The following RABGGTA variants were observed in gnomAD, a reference collection of about 807,000 sequenced individuals.
RABGGTA encodes Rab geranylgeranyltransferase subunit alpha.
RABGGTA carries 69 observed loss-of-function variants against 83.3 expected under a neutral mutation model. The ratio of observed to expected loss-of-function variants is 0.83; its 90% confidence interval spans 0.68 to 1.01. RABGGTA has a LOEUF of 1.01. Among genes scored for constraint, RABGGTA ranks in the 50% least tolerant of loss-of-function variants. The pLI, the probability that RABGGTA is intolerant of heterozygous loss-of-function variation, is 0.00. For synonymous variants in RABGGTA, 310 were observed against 299.8 expected (o/e 1.03, Z -0.35); for missense variants, 681 against 712.7 (o/e 0.96, Z 0.51).
chr14:24,270,640 G>T (rs73589656), intron 3 of RABGGTA, among the ~76,000 whole-genome samples, 182 bp from the exon 4 acceptor site: 5,149 of 152,278 alleles, frequency 0.034, 288 homozygotes, highest in African/African-American at 0.12. Context: ...TTATGCAGTA[G>T]GTGCAATTAT....
rs2040942276 is a variant in RABGGTA, at chr14:24,271,022, G to A, written c.4-75C>T. The A allele has an allele frequency of 6.9e-6, 11 of 1,596,910 alleles. No homozygotes were observed. The Admixed American group carries it at 1.6e-4, about 23-fold the overall frequency. ...ACCTGCAAAAACCCCACACTGTGGA[G>A]CCCTAGGTTCATACGGGGCAACCAT... On this transcript the variant is annotated intron_variant, in intron 2 of 16. Transcript: ENST00000216840.
At position 24,269,615 on chromosome 14, in the gene RABGGTA, G is replaced by A. The variant is rs1458784735; in HGVS notation, c.507C>T (p.Ser169=). 1 of 1,613,840 alleles carries A rather than the reference G, an allele frequency of 6.2e-7. No homozygotes were observed. Among genetic ancestry groups the A allele is most frequent in the African/African-American group, 1.3e-5 (1 of 74,930 alleles). Residue 169 remains serine (S), a synonymous_variant, in exon 6 of 17, where the codon AGC becomes AGT. Coordinates refer to ENST00000216840, the MANE Select transcript of RABGGTA (RefSeq NM_182836.3). ...AGTTGGAGAAGTTTCGGGTGATGAGGCTGTCAGTGAAGGCTAGCTCTTCTG... is the reference window on the plus strand; with the variant it reads ...AGTTGGAGAAGTTTCGGGTGATGAGACTGTCAGTGAAGGCTAGCTCTTCTG... ...PPAEELAFTD[S]LITRNFSNYS... is the part of the protein sequence containing the mutation.
rs1471914368 is a variant in RABGGTA, at chr14:24,268,790, C to T, written c.835G>A (p.Asp279Asn). The T allele has an allele frequency of 1.3e-6, 2 of 1,574,616 alleles. No individual in the cohort carries two copies. The highest frequency in any genetic ancestry group is 3.7e-5 in the Admixed American group (2 of 53,410). Reference sequence around the variant, plus strand: ...CACTCCACAATCAGGGGAGAATCATCAACCATGAGCAGCAAGATCTCCATC... The same window carrying T: ...CACTCCACAATCAGGGGAGAATCATTAACCATGAGCAGCAAGATCTCCATC... ...SRMEILLLMV[D>N]DSPLIVEWRT... Residue 279 changes from aspartate to asparagine, a missense_variant, in exon 9 of 17, where the codon GAT (aspartate) becomes AAT (asparagine). Coordinates refer to ENST00000216840, the MANE Select transcript of RABGGTA (RefSeq NM_182836.3).
chr14:24,267,651 A>G lies in RABGGTA; in HGVS notation c.1353+9T>C. Reference sequence around the variant, plus strand: ...AGGGCCAGGGGAAGGCATGCATGGCAGCCCATACCTTGTGAGCCAGGTGCA... The same window carrying G: ...AGGGCCAGGGGAAGGCATGCATGGCGGCCCATACCTTGTGAGCCAGGTGCA... On this transcript the variant is annotated intron_variant, in intron 14 of 16. Coordinates refer to ENST00000216840, the MANE Select transcript of RABGGTA (RefSeq NM_182836.3). 6.2e-7 allele frequency: 1 copy of G among 1,604,952 alleles called. No homozygotes were observed.
chr14:24,271,047 T>C, intron 2 of RABGGTA, 66 bp downstream of exon 2: 3 of 1,584,514 alleles, frequency 1.9e-6, no homozygotes, highest in African/African-American at 1.3e-5. Context: ...GGGGCAACCA[T>C]GGCACTGCCA....
At chr14:24,267,563 G>A in intron 14 of RABGGTA, 97 bp downstream of exon 14, 1 of 898,760 alleles carries the variant, frequency 1.1e-6, no homozygotes, top group East Asian at 2.6e-5. Flanking sequence ...ATCTTGATTG[G>A]AAGTCCACAA....
chr14:24,268,539 G>A lies in RABGGTA; in HGVS notation c.981C>T (p.Val327=). Residue 327 remains valine, a synonymous_variant, in exon 10 of 17, where the codon GTC becomes GTT. Transcript: ENST00000216840. ...CTTTTAAAAGCACGCATTCTTTCTG[G>A]ACATCGCCTGCTGTCCAAATGACGC... ...TFRVIWTAGD[V]QKECVLLKGR... is the part of the protein sequence containing the mutation. The A allele has an allele frequency of 6.2e-7, 1 of 1,614,012 alleles. No homozygotes were observed. The highest frequency in any genetic ancestry group is 1.1e-5 in the South Asian group (1 of 91,082).
At chr14:24,270,798 G>A in intron 3 of RABGGTA, 39 bp downstream of exon 3, 1 of 1,598,712 alleles carries the variant, frequency 6.3e-7, no homozygotes, top group Non-Finnish European at 8.5e-7. Flanking sequence ...CTATACTAAG[G>A]GAGCTACTTG....
chr14:24,267,000 G>A (rs1045623682), intron 14 of RABGGTA, 111 bp from the exon 15 acceptor site: 1 of 771,664 alleles, frequency 1.3e-6, no homozygotes, highest in African/African-American at 1.7e-5. Context: ...GGCCCTTGGG[G>A]ACCCCAGCCA....
rs2040899931 is a variant in RABGGTA at position 24,268,354 on chromosome 14, C to T, written c.1058+15G>A. 1.2e-6 allele frequency: 2 copies of T among 1,612,876 alleles called. No homozygotes were observed. The highest frequency in any genetic ancestry group is 1.7e-6 in the Non-Finnish European group (2 of 1,179,902). On this transcript the variant is annotated intron_variant, in intron 11 of 16. Coordinates refer to ENST00000216840, the MANE Select transcript of RABGGTA (RefSeq NM_182836.3). ...CCAGAGCCCCTCTCCTTGTTTTGTG[C>T]TTCCCTATCACCACCTGAATAGCTG...
chr14:24,266,378 G>C, intron 16 of RABGGTA, 52 bp downstream of exon 16: 2 of 1,535,856 alleles, frequency 1.3e-6, no homozygotes, highest in South Asian at 2.2e-5. Context: ...CCCTTCCCAG[G>C]GTGGCACCTC....
Position 24,267,919 on chromosome 14 carries a change from T to A in RABGGTA, c.1187A>T (p.Asp396Val). Residue 396 changes from aspartate to valine, a missense_variant, in exon 13 of 17, where the codon GAC becomes GTC. Transcript: ENST00000216840. ...GGTCTCCTTCTCATACAGCAGGGGG[T>A]CCAGTGCCCGCATCAGCAGGATGAT... Reference protein sequence around the residue: ...LTIILLMRALDPLLYEKETLQ... With the variant: ...LTIILLMRALVPLLYEKETLQ... 6.2e-7 allele frequency: 1 copy of A among 1,613,534 alleles called. No homozygotes were observed. The highest frequency in any genetic ancestry group is 1.3e-5 in the African/African-American group (1 of 74,882).
chr14:24,268,828 T>C lies in RABGGTA; in HGVS notation c.799-2A>G. On this transcript the variant is annotated splice_acceptor_variant, in intron 8 of 16. Coordinates refer to ENST00000216840, the MANE Select transcript of RABGGTA (RefSeq NM_182836.3). LOFTEE classifies it high-confidence loss of function. ...CAAGATCTCCATCCTGGAGCCCACC[T>C]GGCACAAAGGACAAAGACTTCAGCC... 6.4e-7 allele frequency: 1 copy of C among 1,565,200 alleles called. No individual in the cohort carries two copies. Among genetic ancestry groups the C allele is most frequent in the South Asian group, 1.2e-5 (1 of 85,166 alleles).
chr14:24,271,347 C>T (rs1227453792), intron 1 of RABGGTA, 140 bp downstream of exon 1: 3 of 454,780 alleles, frequency 6.6e-6, no homozygotes, highest in South Asian at 1.3e-4. Context: ...CCGTGTGGCC[C>T]TTCCTATAGC....
chr14:24,267,259 A>C (rs913109259), intron 14 of RABGGTA, among the ~76,000 whole-genome samples: 10 of 152,066 alleles, frequency 6.6e-5, no homozygotes, highest in African/African-American at 2.2e-4. Context: ...TGATAAAACT[A>C]ATGTGTTGGG....
chr14:24,270,454 T>C lies in RABGGTA; in HGVS notation c.119A>G (p.Gln40Arg). 1.2e-6 allele frequency: 2 copies of C among 1,614,042 alleles called. No homozygotes were observed. Among genetic ancestry groups the C allele is most frequent in the East Asian group, 2.2e-5 (1 of 44,888 alleles). The change falls in exon 4 of 17, where the codon CAG becomes CGG. Residue 40 changes from glutamine to arginine, a missense_variant. Gln to Arg is a conservative substitution (Grantham distance 43). Transcript: ENST00000216840. ...CACGGACTCATCCAGCTCACCAGCC[T>C]GGCGCTAAGAAGATAGGTGGCAGGG... is the stretch of plus-strand genomic sequence containing the variant. ...SATQAVFQKR[Q>R]AGELDESVLE...
chr14:24,271,130 G>T lies in RABGGTA; in HGVS notation c.-15C>A. ...GTTCTCACCATGGTGCCGGCTCAGG[G>T]TTCAAGACAGGGGAAGGGTCCAGTG... is the stretch of plus-strand genomic sequence containing the variant. On this transcript the variant is annotated 5_prime_UTR_variant, in exon 2 of 17. Transcript: ENST00000216840. 1 of 1,539,968 alleles carries T rather than the reference G, an allele frequency of 6.5e-7. No homozygotes were observed. The highest frequency in any genetic ancestry group is 8.7e-7 in the Non-Finnish European group (1 of 1,144,202).
Position 24,269,509 on chromosome 14 carries a change from C to A in RABGGTA, c.613G>T (p.Glu205Ter). ...TGGTTACCTTTGAGCAGCACATCCT[C>A]AGGGAGGCGCCCCTGTGGTCCAGAA... ...PDSGPQGRLP[E>*]DVLLKELELV... The change falls in exon 6 of 17, where the codon GAG (glutamate) becomes TAG (stop). Residue 205 changes from glutamate to a stop codon, truncating the protein, a stop_gained. Transcript: ENST00000216840. LOFTEE classifies it high-confidence loss of function. 1 of 1,595,696 alleles carries A rather than the reference C, an allele frequency of 6.3e-7. No individual in the cohort carries two copies. Among genetic ancestry groups the A allele is most frequent in the Non-Finnish European group, 8.6e-7 (1 of 1,163,258 alleles).
chr14:24,268,018 C>A, intron 12 of RABGGTA, 60 bp from the exon 13 acceptor site: 1 of 1,602,472 alleles, frequency 6.2e-7, no homozygotes. Context: ...TCCCATCCTC[C>A]TGAGGCCTTC....
Sources: allele counts gnomAD v4.1 joint callset (sites outside exome capture counted in the v4.1 genomes callset), GRCh38; gene constraint gnomAD v4.1.1; transcripts MANE v1.5; gene names NCBI Gene and HGNC (gene_info 2026-07-23, HGNC 2026-07-21).